Variants in CCNK observed in about 807,000 individuals in gnomAD.
CCNK encodes cyclin K.
Under a neutral mutation model 65.0 loss-of-function variants are expected in CCNK, and 9 were observed. The observed-to-expected ratio is 0.14, with a 90% CI of 0.08 to 0.24. The LOEUF (loss-of-function observed/expected upper bound fraction) is 0.24, where lower values mean the gene tolerates loss of function less well. Among genes scored for constraint, CCNK ranks in the 10% least tolerant of loss-of-function variants. CCNK has a pLI of 1.00. For synonymous variants in CCNK, 279 were observed against 270.8 expected, an observed-to-expected ratio of 1.03 and a Z score of -0.30; for missense variants, 474 against 720.0, an observed-to-expected ratio of 0.66 and a Z score of 3.91.
At chr14:99,487,152 A>G (rs951046286) in intron 1 of CCNK, among the ~76,000 whole-genome samples, 1 of 152,252 alleles carries the variant, frequency 6.6e-6, no homozygotes, top group African/African-American at 2.4e-5. Flanking sequence ...CCAACTGTCC[A>G]GTTGCCTTCT....
At chr14:99,498,059 G>T (rs1896738947) in intron 4 of CCNK, among the ~76,000 whole-genome samples, 1 of 152,230 alleles carries the variant, frequency 6.6e-6, no homozygotes, top group East Asian at 1.9e-4. Flanking sequence ...CACAGGGGCA[G>T]GTGAACCTTG....
intron 1 of CCNK, among the ~76,000 whole-genome samples, chr14:99,485,079 A>C (rs554545459): frequency 7.6e-4 from 116 of 152,338 alleles, no homozygotes; most frequent in African/African-American, 2.8e-3. Context: ...TATAGACCTG[A>C]GGCAAAAACT....
chr14:99,500,573 T>C (rs556346483), intron 4 of CCNK, 193 bp from the exon 5 acceptor site: 2 of 557,358 alleles, frequency 3.6e-6, no homozygotes, highest in East Asian at 3.2e-5. Context: ...TTTGTCTTCC[T>C]GTTTGAGATC....
intron 4 of CCNK, 127 bp from the exon 5 acceptor site, chr14:99,500,639 G>A (rs192024806): frequency 1.8e-4 from 120 of 680,374 alleles, no homozygotes; most frequent in Admixed American, 4.0e-4. Flanking sequence ...GGGAGAGAAA[G>A]GAAGGAAAGG....
At chr14:99,495,269 C>CT (rs952804113) in intron 3 of CCNK, 215 of 258,204 alleles carry the variant, frequency 8.3e-4, no homozygotes, top group South Asian at 1.2e-3. Context: ...GTTTACATGA[C>CT]TTTTTTTTTA....
At chr14:99,481,618 C>A in intron 1 of CCNK, 139 bp downstream of exon 1, 1 of 394,846 alleles carries the variant, frequency 2.5e-6, no homozygotes, top group Non-Finnish European at 4.5e-6. Flanking sequence ...ACCTCCGGTA[C>A]ACATTGAACT....
intron 4 of CCNK, among the ~76,000 whole-genome samples, chr14:99,496,733 T>C (rs1482161142): frequency 6.7e-6 from 1 of 150,110 alleles, no homozygotes; most frequent in Non-Finnish European, 1.5e-5. Flanking sequence ...TAAACTAATA[T>C]TACTTTAAAA....
intron 8 of CCNK, 49 bp from the exon 9 acceptor site, chr14:99,503,559 CTCA>C (rs2139874187): frequency 6.9e-7 from 1 of 1,443,478 alleles, no homozygotes; most frequent in East Asian, 2.5e-5. Flanking sequence ...CCATTTTTTT[CTCA>C]TCATACTCAG....
At chr14:99,499,999 G>A (rs1202847426) in intron 4 of CCNK, among the ~76,000 whole-genome samples, 3 of 152,200 alleles carry the variant, frequency 2.0e-5, no homozygotes, top group Non-Finnish European at 4.4e-5. Flanking sequence ...CCCAGAAACT[G>A]TTTGAAAAAG....
At chr14:99,509,555 GCACACA>G (rs937175561) in intron 10 of CCNK, 2 of 144,612 alleles carry the variant, frequency 1.4e-5, no homozygotes, top group African/African-American at 6.4e-5. Flanking sequence ...GCACGCACAC[GCACACA>G]CATGCACACA....
chr14:99,486,008 A>G (rs1038103609), intron 1 of CCNK, among the ~76,000 whole-genome samples: 1 of 152,208 alleles, frequency 6.6e-6, no homozygotes, highest in Non-Finnish European at 1.5e-5. Flanking sequence ...ATATAATCCT[A>G]TACCGTACAA....
chr14:99,495,349 A>G (rs796893036), intron 3 of CCNK, 149 bp from the exon 4 acceptor site: 18 of 464,850 alleles, frequency 3.9e-5, no homozygotes, highest in African/African-American at 2.8e-4. Flanking sequence ...ATTTCCTTCA[A>G]GCTTCTAGAG....
At chr14:99,508,908 CTT>C (rs1236864113) in intron 10 of CCNK, 1 of 152,240 alleles carries the variant, frequency 6.6e-6, no homozygotes, top group Non-Finnish European at 1.5e-5. Context: ...TTCTGCACCT[CTT>C]TTTTAGTCAG....
intron 10 of CCNK, chr14:99,508,247 T>G (rs1291794340): frequency 6.6e-6 from 1 of 152,272 alleles, no homozygotes; most frequent in African/African-American, 2.4e-5. Flanking sequence ...TGAACCTTAC[T>G]TAAATGCCTG....
At chr14:99,491,502 C>T (rs1279623468) in intron 1 of CCNK, among the ~76,000 whole-genome samples, 4 of 152,202 alleles carry the variant, frequency 2.6e-5, no homozygotes, top group Non-Finnish European at 4.4e-5. Flanking sequence ...TTTTAATTAA[C>T]TGGTCTCCCC....
chr14:99,501,302 C>A, intron 5 of CCNK, 54 bp from the exon 6 acceptor site: 1 of 1,124,080 alleles, frequency 8.9e-7, no homozygotes, highest in Non-Finnish European at 1.4e-6. Context: ...ATACTTGATG[C>A]TGCCTGTGAA....
intron 1 of CCNK, among the ~76,000 whole-genome samples, chr14:99,485,255 C>T (rs994222536): frequency 6.6e-6 from 1 of 152,148 alleles, no homozygotes; most frequent in African/African-American, 2.4e-5. Context: ...ACGATTTATC[C>T]GCTTGTGGAC....
intron 1 of CCNK, among the ~76,000 whole-genome samples, chr14:99,489,410 A>G (rs1341881501): frequency 2.0e-5 from 3 of 152,204 alleles, no homozygotes; most frequent in African/African-American, 7.2e-5. Flanking sequence ...TCATACCCAT[A>G]ATCCTAGCAC....
intron 1 of CCNK, among the ~76,000 whole-genome samples, chr14:99,490,338 TATG>T (rs1461712310): frequency 6.6e-6 from 1 of 152,200 alleles, no homozygotes; most frequent in African/African-American, 2.4e-5. Context: ...TGCACCCAAA[TATG>T]ATGTGTAGTT....
Sources: gnomAD v4.1 joint callset for allele counts (sites outside exome capture counted in the v4.1 genomes callset) on GRCh38, gnomAD v4.1.1 for gene constraint, MANE v1.5 for transcripts, NCBI Gene and HGNC (gene_info 2026-07-23, HGNC 2026-07-21) for gene names.